Variants in MYBPC1 observed in about 807,000 individuals in gnomAD.
MYBPC1 encodes the protein myosin-binding protein C, slow-type.
Under a neutral mutation model 147.1 loss-of-function variants are expected in MYBPC1, and 52 were observed. That is an observed-to-expected ratio of 0.35 (90% CI 0.28 to 0.45). The LOEUF (loss-of-function observed/expected upper bound fraction) is 0.45. Ranked by LOEUF, MYBPC1 falls within the 20% of genes least tolerant of loss-of-function variation. The pLI is 1.00. For synonymous variants in MYBPC1, 477 were observed against 475.9 expected (o/e 1.00, Z -0.03); for missense variants, 1,228 against 1,440.3 (o/e 0.85, Z 2.39).
chr12:101,598,016 C>CTTTTTT (rs34462251), intron 1 of MYBPC1, among the ~76,000 whole-genome samples: 1 of 122,132 alleles, frequency 8.2e-6, no homozygotes. Flanking sequence ...AATCACCTTT[C>CTTTTTT]TTTTTTTTTT....
intron 11 of MYBPC1, among the ~76,000 whole-genome samples, chr12:101,644,059 G>T (rs896277718): frequency 2.0e-5 from 3 of 152,024 alleles, no homozygotes; most frequent in African/African-American, 7.2e-5. Flanking sequence ...TTTTGAAACA[G>T]GGTCCCATTC....
At chr12:101,642,315 G>A (rs1406635076) in intron 10 of MYBPC1, 104 bp from the exon 11 acceptor site, 3 of 1,245,874 alleles carry the variant, frequency 2.4e-6, no homozygotes, top group Non-Finnish European at 3.5e-6. Context: ...GCTTTAAACA[G>A]AGCTTTTTTA....
downstream of MYBPC1, among the ~76,000 whole-genome samples, chr12:101,686,393 C>G (rs560134718): frequency 6.6e-6 from 1 of 152,262 alleles, no homozygotes; most frequent in Admixed American, 6.5e-5. Context: ...GAGCTTCTGC[C>G]AAAACAGCTA....
intron 23 of MYBPC1, among the ~76,000 whole-genome samples, 171 bp from the exon 24 acceptor site, chr12:101,670,150 C>CAT (rs1442329273): frequency 2.0e-5 from 3 of 151,566 alleles, no homozygotes; most frequent in African/African-American, 7.3e-5. Context: ...CACACACACA[C>CAT]ACACATTTTG....
In MYBPC1 at chr12:101,610,081, C is replaced by T. The variant is rs139379957; in HGVS notation, c.26-4415C>T. 3.3e-4 allele frequency among the ~76,000 whole-genome samples: 50 copies of T among 152,228 alleles called. No individual in the cohort carries two copies. In the East Asian group the frequency reaches 9.1e-3, roughly 28 times the overall value. On this transcript the variant is annotated intron_variant, in intron 1 of 31. Transcript: ENST00000361466. ...AGTTCCTTCAAGGTAAATGGGGACA[C>T]CTTGGGGGCTCTGAGACTTACCTGC... is the stretch of plus-strand genomic sequence containing the variant.
At chr12:101,625,538 G>A (rs1223596839) in intron 3 of MYBPC1, among the ~76,000 whole-genome samples, 1 of 152,178 alleles carries the variant, frequency 6.6e-6, no homozygotes, top group Admixed American at 6.5e-5. Flanking sequence ...AGCATCATCT[G>A]TTACTAATAC....
chr12:101,597,225 G>C (rs1877651881), intron 1 of MYBPC1, among the ~76,000 whole-genome samples: 1 of 152,092 alleles, frequency 6.6e-6, no homozygotes, highest in East Asian at 1.9e-4. Context: ...ACATGGCCTA[G>C]AGCCAGTTCT....
At chr12:101,661,317 C>G (rs11110942) in intron 20 of MYBPC1, 55 bp downstream of exon 20, 35,084 of 1,132,924 alleles carry the variant, frequency 0.031, 2,223 homozygotes, top group East Asian at 0.26. Context: ...GTCCTCTTTA[C>G]GCATCTTAGT....
intron 30 of MYBPC1, 61 bp from the exon 31 acceptor site, chr12:101,684,321 G>C: frequency 7.7e-7 from 1 of 1,300,278 alleles, no homozygotes; most frequent in South Asian, 1.2e-5. Flanking sequence ...CTCAAGTTTG[G>C]TGTTAGCACT....
chr12:101,681,971 GGAAAAAGATT>G (rs1951031547), intron 29 of MYBPC1, among the ~76,000 whole-genome samples: 1 of 151,330 alleles, frequency 6.6e-6, no homozygotes, highest in Non-Finnish European at 1.5e-5. Context: ...TTGAGTGAAA[GGAAAAAGATT>G]TGATTTTTTT....
At position 101,652,673 on chromosome 12, in the gene MYBPC1, C is replaced by T; in HGVS notation, c.1527-5C>T. On this transcript the variant is annotated splice_polypyrimidine_tract_variant and splice_region_variant and intron_variant, in intron 16 of 31. Transcript: ENST00000361466. ...CTTAGAAATACATTTTCCTTGTTTC[C>T]TTAGGATCCACAAGTTAGTGATAGC... is the stretch of plus-strand genomic sequence containing the variant. 6.2e-7 allele frequency: 1 copy of T among 1,601,984 alleles called. No homozygotes were observed. The highest frequency in any genetic ancestry group is 8.6e-7 in the Non-Finnish European group (1 of 1,169,232).
Position 101,651,280 on chromosome 12 carries a change from T to C in MYBPC1, c.1413T>C (p.Leu471=), listed in dbSNP as rs1263079130. 1 of 1,614,066 alleles carries C rather than the reference T, an allele frequency of 6.2e-7. No individual in the cohort carries two copies. The change falls in exon 16 of 32, where the codon CTT becomes CTC. Residue 471 remains leucine (L), a synonymous_variant. Coordinates refer to ENST00000361466, the MANE Select transcript of MYBPC1 (RefSeq NM_002465.4). ...CTCTGACTGATCAGACTGTAAATCT[T>C]GGAAAAGAAATCTGCCTGAAGTGTG... ...LTPLTDQTVN[L]GKEICLKCEI... is the part of the protein sequence containing the mutation.
intron 12 of MYBPC1, among the ~76,000 whole-genome samples, chr12:101,646,375 G>A (rs554214433): frequency 7.2e-5 from 11 of 152,108 alleles, no homozygotes; most frequent in African/African-American, 2.7e-4. Context: ...TGCTGGGCAC[G>A]ATGGCTCACG....
downstream of MYBPC1, among the ~76,000 whole-genome samples, chr12:101,687,208 T>G (rs913707803): frequency 2.0e-5 from 3 of 152,100 alleles, no homozygotes; most frequent in African/African-American, 7.2e-5. Context: ...TATCGCCTAA[T>G]GCTATCCCTC....
At chr12:101,616,623 C>T (rs1886150899) in intron 2 of MYBPC1, among the ~76,000 whole-genome samples, 1 of 152,110 alleles carries the variant, frequency 6.6e-6, no homozygotes, top group African/African-American at 2.4e-5. Flanking sequence ...CAGAGAAATG[C>T]AAACTAGATG....
chr12:101,623,205 G>T (rs529218248), intron 3 of MYBPC1, among the ~76,000 whole-genome samples: 1 of 152,252 alleles, frequency 6.6e-6, no homozygotes, highest in Admixed American at 6.5e-5. Flanking sequence ...TGGGTGTGGT[G>T]GCAGACGTCT....
rs1287198049 is a variant in MYBPC1 at position 101,632,014 on chromosome 12, A to T, written c.439-7A>T. 3 of 1,595,602 alleles carry T rather than the reference A, an allele frequency of 1.9e-6. No homozygotes were observed. The highest frequency in any genetic ancestry group is 2.6e-6 in the Non-Finnish European group (3 of 1,163,254). On this transcript the variant is annotated splice_polypyrimidine_tract_variant and splice_region_variant and intron_variant, in intron 7 of 31. Coordinates refer to ENST00000361466, the MANE Select transcript of MYBPC1 (RefSeq NM_002465.4). The stretch of plus-strand genomic sequence containing the variant: ...AAATGTGTGTGTCTGGATGCATTTC[A>T]TTGCAGGTGTACACATTTGAGATGC...
chr12:101,607,213 T>G (rs1315370267), intron 1 of MYBPC1, among the ~76,000 whole-genome samples: 5 of 152,198 alleles, frequency 3.3e-5, no homozygotes, highest in Non-Finnish European at 7.3e-5. Context: ...GAGCTTCCAT[T>G]GTGCTCGTGT....
In MYBPC1 at chr12:101,667,843, C is replaced by T; in HGVS notation, c.2468C>T (p.Ala823Val). The T allele has an allele frequency of 6.2e-7, 1 of 1,614,150 alleles. No individual in the cohort carries two copies. Among genetic ancestry groups the T allele is most frequent in the Non-Finnish European group, 8.5e-7 (1 of 1,180,032 alleles). The change falls in exon 23 of 32, where the codon GCT becomes GTT. Residue 823 changes from alanine (A) to valine (V), a missense_variant. Physicochemically the swap from Ala to Val is moderately conservative, Grantham distance 64 (BLOSUM62 0). Around this residue, in one of 2 missense-constraint regions of MYBPC1, gnomAD observed 1,077 missense variants for 1,314.2 expected, o/e 0.82. Transcript: ENST00000361466. ...IFVRVKAVNAAGASEPKYYSQ... is the reference protein window; with the variant it reads ...IFVRVKAVNAVGASEPKYYSQ... ...GTGCGTGTGAAGGCTGTTAATGCAG[C>T]TGGTGCCAGCGAGCCCAAGTACTAT...
Sources: gnomAD v4.1 joint callset for allele counts (sites outside exome capture counted in the v4.1 genomes callset) on GRCh38, gnomAD v4.1.1 for gene constraint, gnomAD v4.1.1 regional missense constraint, MANE v1.5 for transcripts, NCBI Gene and HGNC (gene_info 2026-07-23, HGNC 2026-07-21) for gene names.